LRP2: variants seen among roughly 807,000 people sequenced by gnomAD.
LRP2 encodes the protein LDL receptor related protein 2.
In LRP2, 172 loss-of-function variants were observed where a neutral mutation model predicts 531.0. That is an observed-to-expected ratio of 0.32 (90% CI 0.29 to 0.37). LRP2 has a LOEUF of 0.37. Ranked by LOEUF, LRP2 falls within the 10% of genes least tolerant of loss-of-function variation. The probability of loss-of-function intolerance (pLI) is 1.00; values close to 1 mark genes in which losing one functional copy is unlikely to be tolerated. For missense variants in LRP2, 5,167 were observed against 5,868.3 expected, an observed-to-expected ratio of 0.88 and a Z score of 3.90; for synonymous variants, 1,992 against 2,027.6, an observed-to-expected ratio of 0.98 and a Z score of 0.47.
intron 47 of LRP2, among the ~76,000 whole-genome samples, chr2:169,192,249 A>G (rs73033865): frequency 0.01 from 1,583 of 152,322 alleles, 27 homozygotes; most frequent in African/African-American, 0.035. Context: ...CAAAGAAATC[A>G]ATACAATAAA....
At chr2:169,234,207 G>A (rs1050914092) in intron 29 of LRP2, among the ~76,000 whole-genome samples, 1 of 152,066 alleles carries the variant, frequency 6.6e-6, no homozygotes, top group Non-Finnish European at 1.5e-5. Context: ...GTATACATGT[G>A]CCATGGTGGT....
At chr2:169,161,289 G>C (rs1346528933) in intron 63 of LRP2, among the ~76,000 whole-genome samples, 12 of 152,196 alleles carry the variant, frequency 7.9e-5, no homozygotes, top group Non-Finnish European at 1.5e-4. Flanking sequence ...GGGCTAACTT[G>C]AGTAACACAT....
At position 169,251,783 on chromosome 2, in the gene LRP2, C is replaced by T. The variant is rs1690182718; in HGVS notation, c.2771-4268G>A. ...AAAGAAGAGAGAAGAATCAAATAGACACAATAAAAAATGATAAAGGGGATA... is the reference window on the plus strand; with the variant it reads ...AAAGAAGAGAGAAGAATCAAATAGATACAATAAAAAATGATAAAGGGGATA... On this transcript the variant is annotated intron_variant, in intron 19 of 78. Coordinates refer to ENST00000649046, the MANE Select transcript of LRP2 (RefSeq NM_004525.3). Among the ~76,000 whole-genome samples, 2 of 91,210 alleles carry T rather than the reference C, an allele frequency of 2.2e-5. 1 individual carries two copies. Among genetic ancestry groups the T allele is most frequent in the Non-Finnish European group, 4.0e-5 (2 of 49,468 alleles). The allele number at this position is 91,210 out of a possible 152,430, so 59.8% of individuals were successfully genotyped here. A position where few individuals can be genotyped will look rare whatever the true frequency, so the allele number is the denominator to read the frequency against.
rs140575982 is a variant in LRP2 at position 169,280,502 on chromosome 2, T to C, written c.1189A>G (p.Ile397Val). ...AACAAATCCCGACCATTGGAGAAGA[T>C]AATGGAGGCCTCGCCAACTAAATGC... ...ANDSFGEASI[I>V]FSNGRDLLIG... Residue 397 changes from isoleucine to valine, a missense_variant, in exon 11 of 79, where the codon ATC becomes GTC. By Grantham distance (29) the Ile-to-Val change is conservative. Around this residue, in one of 6 missense-constraint regions of LRP2, gnomAD observed 2,811 missense variants for 3,058.0 expected, o/e 0.92. Transcript: ENST00000649046. 147 of 1,614,118 alleles carry C rather than the reference T, an allele frequency of 9.1e-5. 1 individual carries two copies. The African/African-American group carries it at 1.8e-3, about 20-fold the overall frequency.
chr2:169,277,590 C>A (rs1559053327), intron 13 of LRP2, among the ~76,000 whole-genome samples, 155 bp downstream of exon 13: 1 of 152,084 alleles, frequency 6.6e-6, no homozygotes, highest in Non-Finnish European at 1.5e-5. Flanking sequence ...TAGAGCAGGT[C>A]ACTTCATGCA....
chr2:169,202,659 C>A, intron 43 of LRP2, 97 bp downstream of exon 43: 1 of 1,273,112 alleles, frequency 7.9e-7, no homozygotes. Flanking sequence ...CCTAGGCACA[C>A]ATTTCAAACA....
intron 53 of LRP2, among the ~76,000 whole-genome samples, chr2:169,176,882 C>G (rs1687214612): frequency 6.6e-6 from 1 of 152,168 alleles, no homozygotes; most frequent in Non-Finnish European, 1.5e-5. Flanking sequence ...AGGCAGTAAA[C>G]TTAGCTTATG....
chr2:169,334,013 G>C (rs888871364), intron 1 of LRP2, among the ~76,000 whole-genome samples: 8 of 152,206 alleles, frequency 5.3e-5, no homozygotes, highest in African/African-American at 1.9e-4. Flanking sequence ...GTGTGATAAA[G>C]TGGTGTTCAG....
At chr2:169,266,627 C>G (rs1033825419) in intron 16 of LRP2, among the ~76,000 whole-genome samples, 1 of 152,040 alleles carries the variant, frequency 6.6e-6, no homozygotes, top group African/African-American at 2.4e-5. Context: ...AATTTGGAAC[C>G]AGGCAGTGTA....
chr2:169,178,808 CA>C (rs1458801153), intron 52 of LRP2, among the ~76,000 whole-genome samples: 1 of 152,018 alleles, frequency 6.6e-6, no homozygotes, highest in Non-Finnish European at 1.5e-5. Context: ...AAAACTCAAA[CA>C]GGAGATAGAA....
intron 1 of LRP2, among the ~76,000 whole-genome samples, chr2:169,331,576 C>T (rs1685269121): frequency 6.6e-6 from 1 of 152,190 alleles, no homozygotes; most frequent in Non-Finnish European, 1.5e-5. Flanking sequence ...CCAATCCCCA[C>T]TAGAGACTAA....
chr2:169,263,070 C>T (rs1690636917), intron 16 of LRP2, among the ~76,000 whole-genome samples: 3 of 152,156 alleles, frequency 2.0e-5, no homozygotes, highest in South Asian at 4.1e-4. Flanking sequence ...GGATCCCTTC[C>T]TTACACCTTA....
At chr2:169,183,626 TA>T (rs1293420295) in intron 50 of LRP2, among the ~76,000 whole-genome samples, 1 of 152,204 alleles carries the variant, frequency 6.6e-6, no homozygotes, top group Non-Finnish European at 1.5e-5. Context: ...GCTTTCCCAT[TA>T]ATTTCTCTTT....
chr2:169,316,067 A>T (rs534337007), intron 3 of LRP2, among the ~76,000 whole-genome samples: 1 of 151,554 alleles, frequency 6.6e-6, no homozygotes, highest in Non-Finnish European at 1.5e-5. Flanking sequence ...ATTTGAGCCC[A>T]GGAGGTCAAG....
intron 9 of LRP2, 129 bp downstream of exon 9, chr2:169,288,897 C>A: frequency 7.0e-7 from 1 of 1,421,960 alleles, no homozygotes; most frequent in Non-Finnish European, 9.9e-7. Flanking sequence ...TCTGTGAGGT[C>A]TGGGTTGCTC....
intron 34 of LRP2, 80 bp from the exon 35 acceptor site, chr2:169,216,510 C>T (rs765209119): frequency 1.4e-4 from 195 of 1,376,358 alleles, no homozygotes; most frequent in Non-Finnish European, 2.0e-4. Context: ...ATGTGTATTA[C>T]TTGTCCTCAA....
rs557136051 is a variant in LRP2, at chr2:169,134,305, C to T, written c.13621-1624G>A. On this transcript the variant is annotated intron_variant, in intron 76 of 78. Transcript: ENST00000649046. ...AATCTATTTTCTTTCTCCCACCTGA[C>T]GCATATACTGTCTGTTCCCCAGCTC... Among the ~76,000 whole-genome samples, 20 of 152,272 alleles carry T rather than the reference C, an allele frequency of 1.3e-4. 1 individual carries two copies. The highest frequency in any genetic ancestry group is 6.2e-4 in the South Asian group (3 of 4,824).
intron 13 of LRP2, chr2:169,275,446 C>T: frequency 1.8e-6 from 1 of 557,408 alleles, no homozygotes; most frequent in Non-Finnish European, 3.2e-6. Flanking sequence ...GGAAAAGACC[C>T]TTGAGACTTA....
At position 169,237,355 on chromosome 2, in the gene LRP2, T is replaced by C. The variant is rs1392093904; in HGVS notation, c.4507-68A>G. 11 of 1,247,656 alleles carry C rather than the reference T, an allele frequency of 8.8e-6. No individual in the cohort carries two copies. The African/African-American group carries it at 8.9e-5, about 10-fold the overall frequency. The allele number at this position is 1,247,656 out of a possible 1,614,324, so 77.3% of individuals were successfully genotyped here. ...AATGAATGCAAACATGGATATTATATAAAAATCTAGATTAAACCATCTAAC... is the reference window on the plus strand; with the variant it reads ...AATGAATGCAAACATGGATATTATACAAAAATCTAGATTAAACCATCTAAC... On this transcript the variant is annotated intron_variant, in intron 27 of 78. Transcript: ENST00000649046.
Sources: allele counts gnomAD v4.1 joint callset (sites outside exome capture counted in the v4.1 genomes callset), GRCh38; gene constraint gnomAD v4.1.1; regional missense constraint gnomAD v4.1.1; transcripts MANE v1.5; gene names NCBI Gene and HGNC (gene_info 2026-07-23, HGNC 2026-07-21).